The following AGK variants were observed in gnomAD, a reference collection of about 807,000 sequenced individuals.
The protein encoded by AGK is acylglycerol kinase, mitochondrial.
In AGK, 52 loss-of-function variants were observed where a neutral mutation model predicts 66.4. That is an observed-to-expected ratio of 0.78 (90% CI 0.63 to 0.99). The LOEUF is 0.99. Ranked by LOEUF, AGK falls within the 50% of genes least tolerant of loss-of-function variation. The probability of loss-of-function intolerance (pLI) is 0.00; values close to 1 mark genes in which losing one functional copy is unlikely to be tolerated. For synonymous variants in AGK, 182 were observed against 181.1 expected (o/e 1.00, Z -0.04); for missense variants, 451 against 506.6 (o/e 0.89, Z 1.05).
At chr7:141,645,186 G>A (rs1415705281) in intron 13 of AGK, among the ~76,000 whole-genome samples, 2 of 151,992 alleles carry the variant, frequency 1.3e-5, no homozygotes, top group East Asian at 1.9e-4. Context: ...GCATATGAAC[G>A]GGGTATATCT....
At chr7:141,651,861 A>AAGTG (rs1347774619) in intron 15 of AGK, among the ~76,000 whole-genome samples, 1 of 152,198 alleles carries the variant, frequency 6.6e-6, no homozygotes, top group Non-Finnish European at 1.5e-5. Flanking sequence ...TTCTTCCCTA[A>AAGTG]AGTGAGTTTT....
intron 2 of AGK, among the ~76,000 whole-genome samples, chr7:141,575,768 T>TG (rs989825413): frequency 2.0e-5 from 3 of 149,244 alleles, no homozygotes; most frequent in African/African-American, 5.0e-5. Context: ...ACCTGAAAAT[T>TG]GCTGTAAATA....
At chr7:141,560,178 C>T (rs1032043248) in intron 2 of AGK, among the ~76,000 whole-genome samples, 1 of 151,886 alleles carries the variant, frequency 6.6e-6, no homozygotes, top group African/African-American at 2.4e-5. Context: ...GAAAAACTTC[C>T]AGTATTTCAA....
Position 141,653,379 on chromosome 7 carries a change from C to T in AGK, c.*455C>T, listed in dbSNP as rs557071366. 3.3e-5 allele frequency: 5 copies of T among 153,716 alleles called. No individual in the cohort carries two copies. The highest frequency in any genetic ancestry group is 4.0e-4 in the South Asian group (2 of 4,940). 9.5% of individuals were successfully genotyped at this position (153,716 alleles called of 1,614,324 possible). ...ACAGGTGCTGCTATTTTGTGAGCTC[C>T]GGCTCCTGTTTAGCTTTTATTTCAG... is the stretch of plus-strand genomic sequence containing the variant. On this transcript the variant is annotated 3_prime_UTR_variant, in exon 16 of 16. Coordinates refer to ENST00000649286, the MANE Select transcript of AGK (RefSeq NM_018238.4).
At chr7:141,626,243 A>C (rs1796935390) in intron 9 of AGK, among the ~76,000 whole-genome samples, 1 of 152,230 alleles carries the variant, frequency 6.6e-6, no homozygotes, top group African/African-American at 2.4e-5. Flanking sequence ...AAAGAACAAC[A>C]ATGATGGATC....
intron 2 of AGK, among the ~76,000 whole-genome samples, chr7:141,575,912 G>A (rs374160681): frequency 1.3e-5 from 2 of 152,032 alleles, no homozygotes; most frequent in African/African-American, 4.8e-5. Flanking sequence ...AGATGCTGCA[G>A]CCCTGTTTGT....
intron 2 of AGK, among the ~76,000 whole-genome samples, chr7:141,561,487 TA>T (rs112256599): frequency 0.021 from 3,160 of 152,264 alleles, 124 homozygotes; most frequent in African/African-American, 0.073. Context: ...GGTATCTCAT[TA>T]TTTTTTTTAA....
intron 9 of AGK, among the ~76,000 whole-genome samples, chr7:141,625,164 A>C (rs1320006873): frequency 6.6e-6 from 1 of 152,176 alleles, no homozygotes; most frequent in Non-Finnish European, 1.5e-5. Context: ...CACACTCAAT[A>C]GACTATAGTA....
chr7:141,608,196 C>T (rs992342141), intron 5 of AGK, among the ~76,000 whole-genome samples: 1 of 152,022 alleles, frequency 6.6e-6, no homozygotes, highest in East Asian at 1.9e-4. Context: ...TGTCAGATGG[C>T]AATGAGTGCT....
At chr7:141,557,906 T>A (rs554269178) in intron 2 of AGK, among the ~76,000 whole-genome samples, 11 of 152,238 alleles carry the variant, frequency 7.2e-5, no homozygotes, top group Non-Finnish European at 1.5e-4. Context: ...TGCAGTTCGA[T>A]GGTGTTAAGT....
At chr7:141,640,239 G>A (rs1315809511) in intron 11 of AGK, among the ~76,000 whole-genome samples, 1 of 152,130 alleles carries the variant, frequency 6.6e-6, no homozygotes, top group Non-Finnish European at 1.5e-5. Flanking sequence ...GTGAACAAAG[G>A]TGTCCATTGA....
chr7:141,635,172 T>C (rs189781903), intron 10 of AGK, among the ~76,000 whole-genome samples: 1 of 152,326 alleles, frequency 6.6e-6, no homozygotes, highest in Admixed American at 6.5e-5. Context: ...TTTTATATAC[T>C]AGCCCCATAT....
chr7:141,641,339 C>T lies in AGK; in HGVS notation c.818C>T (p.Pro273Leu), dbSNP rs1462222497. The T allele has an allele frequency of 6.2e-6, 10 of 1,613,776 alleles. No individual in the cohort carries two copies. The East Asian group carries it at 2.2e-4, about 36-fold the overall frequency. Residue 273 changes from proline (P) to leucine (L), a missense_variant, in exon 12 of 16, where the codon CCT (proline) becomes CTT (leucine). Transcript: ENST00000649286. ...CCAGAGGAGACCCCTGTACAAAGGC[C>T]TTCTTTGTACAGGAGAATATTACGA... ...NEPEETPVQR[P>L]SLYRRILRRL...
rs771945410 is a variant in AGK at position 141,637,002 on chromosome 7, T to C, written c.711T>C (p.Phe237=). 7 of 1,612,846 alleles carry C rather than the reference T, an allele frequency of 4.3e-6. No individual in the cohort carries two copies. Among genetic ancestry groups the C allele is most frequent in the Non-Finnish European group, 5.9e-6 (7 of 1,179,294 alleles). The change falls in exon 11 of 16, where the codon TTT becomes TTC. Residue 237 remains phenylalanine (F), a synonymous_variant. Coordinates refer to ENST00000649286, the MANE Select transcript of AGK (RefSeq NM_018238.4). ...LGPLKIKAAH[F]FSTLKEWPQT... is the part of the protein sequence containing the mutation. Reference sequence around the variant, plus strand: ...CTCTAAAAATCAAAGCAGCCCACTTTTTCAGCACTCTTAAGGTAAATGTGA... The same window carrying C: ...CTCTAAAAATCAAAGCAGCCCACTTCTTCAGCACTCTTAAGGTAAATGTGA...
At chr7:141,648,671 A>G (rs1797474488) in intron 13 of AGK, among the ~76,000 whole-genome samples, 1 of 152,256 alleles carries the variant, frequency 6.6e-6, no homozygotes, top group African/African-American at 2.4e-5. Context: ...CCAAGAACCA[A>G]GTCTGTTTTG....
chr7:141,641,467 A>C, intron 12 of AGK, 69 bp downstream of exon 12: 1 of 1,522,080 alleles, frequency 6.6e-7, no homozygotes, highest in Non-Finnish European at 8.8e-7. Flanking sequence ...GTAGACCTCC[A>C]AAATCAGTTT....
At chr7:141,561,757 G>A (rs901244340) in intron 2 of AGK, among the ~76,000 whole-genome samples, 4 of 151,956 alleles carry the variant, frequency 2.6e-5, no homozygotes, top group Admixed American at 1.3e-4. Context: ...ACTGTGTCCA[G>A]TGCTGCAATT....
chr7:141,570,187 A>G (rs1587071696), intron 2 of AGK, among the ~76,000 whole-genome samples: 5 of 152,050 alleles, frequency 3.3e-5, no homozygotes, highest in Admixed American at 3.3e-4. Context: ...GGAGTTTGAG[A>G]CCAGCCTGGC....
At chr7:141,651,659 G>T (rs567648799) in intron 15 of AGK, 50 bp downstream of exon 15, 1 of 1,534,598 alleles carries the variant, frequency 6.5e-7, no homozygotes, top group African/African-American at 1.4e-5. Flanking sequence ...GTTCGTCATC[G>T]GCCTGCCCCT....
Sources: allele counts gnomAD v4.1 joint callset (sites outside exome capture counted in the v4.1 genomes callset), GRCh38; gene constraint gnomAD v4.1.1; transcripts MANE v1.5; gene names NCBI Gene and HGNC (gene_info 2026-07-23, HGNC 2026-07-21).